Variants in FILIP1 observed in about 807,000 individuals in gnomAD.
The protein encoded by FILIP1 is filamin-A-interacting protein 1.
A neutral mutation model predicts 102.1 loss-of-function variants in FILIP1; 61 were observed. That is an observed-to-expected ratio of 0.60 (90% CI 0.49 to 0.74). FILIP1 has a LOEUF of 0.74. FILIP1 is among the 30% of genes least tolerant of loss of function. The pLI is 0.00. For synonymous variants in FILIP1, 491 were observed against 526.9 expected (o/e 0.93, Z 0.93); for missense variants, 1,314 against 1,441.2 (o/e 0.91, Z 1.43).
At chr6:75,311,254 C>T (rs1773173184) in intron 5 of FILIP1, among the ~76,000 whole-genome samples, 1 of 152,014 alleles carries the variant, frequency 6.6e-6, no homozygotes, top group Non-Finnish European at 1.5e-5. Context: ...ATGACCGTGG[C>T]TCACTGCAAC....
chr6:75,359,990 C>T (rs770568244), intron 3 of FILIP1, among the ~76,000 whole-genome samples: 1 of 152,162 alleles, frequency 6.6e-6, no homozygotes, highest in African/African-American at 2.4e-5. Flanking sequence ...CTAGACTTTA[C>T]GAAAAGACAG....
chr6:75,419,879 T>C (rs552374987), intron 1 of FILIP1, among the ~76,000 whole-genome samples: 1 of 152,326 alleles, frequency 6.6e-6, no homozygotes, highest in Admixed American at 6.5e-5. Flanking sequence ...ATAGCATATA[T>C]TGCTCAGAAA....
chr6:75,485,334 T>C (rs1189381336), intron 1 of FILIP1, among the ~76,000 whole-genome samples: 2 of 152,200 alleles, frequency 1.3e-5, no homozygotes, highest in Non-Finnish European at 2.9e-5. Flanking sequence ...ACAAGTCCTG[T>C]GCTATTAACC....
chr6:75,365,255 A>T (rs1406022658), intron 2 of FILIP1, among the ~76,000 whole-genome samples: 1 of 152,246 alleles, frequency 6.6e-6, no homozygotes, highest in South Asian at 2.1e-4. Context: ...TGTTGTTTGT[A>T]CCATAAATTG....
chr6:75,308,521 T>A lies in FILIP1; in HGVS notation c.*170A>T. On this transcript the variant is annotated 3_prime_UTR_variant, in exon 6 of 6. Coordinates refer to ENST00000237172, the MANE Select transcript of FILIP1 (RefSeq NM_015687.5). The stretch of plus-strand genomic sequence containing the variant: ...GTTTTGCTAATTTTGTTCCCCAGCA[T>A]CAAAACAAATGCACAAAATGGGAAA... 4 of 1,437,268 alleles carry A rather than the reference T, an allele frequency of 2.8e-6. No individual in the cohort carries two copies. Among genetic ancestry groups the A allele is most frequent in the Non-Finnish European group, 3.6e-6 (4 of 1,098,730 alleles). 89.0% of individuals were successfully genotyped at this position (1,437,268 alleles called of 1,614,324 possible). A position where few individuals can be genotyped will look rare whatever the true frequency, so the allele number is the denominator to read the frequency against.
rs867123958 is a variant in FILIP1, at chr6:75,436,622, T to C, written c.-6-21644A>G. 4.6e-5 allele frequency among the ~76,000 whole-genome samples: 7 copies of C among 152,242 alleles called. No homozygotes were observed. In the Middle Eastern group the frequency reaches 0.017, roughly 370 times the overall value. The stretch of plus-strand genomic sequence containing the variant: ...TTGCTCATGGAGATTATGGGACAGA[T>C]AAAGCCCTGTCCCAAAGCTATCTTT... On this transcript the variant is annotated intron_variant, in intron 1 of 5. Coordinates refer to ENST00000237172, the MANE Select transcript of FILIP1 (RefSeq NM_015687.5).
chr6:75,399,996 A>T (rs1406060321), intron 2 of FILIP1, among the ~76,000 whole-genome samples: 3 of 152,142 alleles, frequency 2.0e-5, no homozygotes, highest in African/African-American at 7.2e-5. Flanking sequence ...CAGGACATTA[A>T]GATGACGGTG....
chr6:75,442,173 G>C (rs887987364), intron 1 of FILIP1, among the ~76,000 whole-genome samples: 2 of 151,974 alleles, frequency 1.3e-5, no homozygotes, highest in South Asian at 2.1e-4. Flanking sequence ...GGGCAGAGAC[G>C]CTCCTCACTT....
In FILIP1 at chr6:75,314,988, GCTT is replaced by G; in HGVS notation, c.841_843del (p.Lys281del). On this transcript the variant is annotated inframe_deletion, in exon 5 of 6. Coordinates refer to ENST00000237172, the MANE Select transcript of FILIP1 (RefSeq NM_015687.5). ...TTGGATTTGGAAGTAATGGCTTTGAGCTTCTCTTCTTCTTCCCTCAGCTTCTGA... is the reference window on the plus strand; with the variant it reads ...TTGGATTTGGAAGTAATGGCTTTGAGCTCTTCTTCTTCCCTCAGCTTCTGA... 1 of 1,614,044 alleles carries G rather than the reference GCTT, an allele frequency of 6.2e-7. No homozygotes were observed. Among genetic ancestry groups the G allele is most frequent in the Non-Finnish European group, 8.5e-7 (1 of 1,179,990 alleles).
chr6:75,358,243 A>C (rs575632961), intron 3 of FILIP1: 9 of 152,356 alleles, frequency 5.9e-5, no homozygotes, highest in African/African-American at 2.2e-4. Context: ...TAACTGGAGA[A>C]GTATTAAGGA....
intron 1 of FILIP1, among the ~76,000 whole-genome samples, chr6:75,428,154 A>G (rs1036823083): frequency 1.3e-5 from 2 of 152,124 alleles, no homozygotes; most frequent in Non-Finnish European, 2.9e-5. Context: ...TTTCTTTGCT[A>G]AGTGCCAGCC....
intron 1 of FILIP1, among the ~76,000 whole-genome samples, chr6:75,417,531 A>G (rs1447804481): frequency 6.6e-6 from 1 of 152,228 alleles, no homozygotes; most frequent in Non-Finnish European, 1.5e-5. Context: ...CCAAGCAATA[A>G]TGGACTTGCA....
chr6:75,477,645 A>G (rs1053809372), intron 1 of FILIP1, among the ~76,000 whole-genome samples: 3 of 152,124 alleles, frequency 2.0e-5, no homozygotes, highest in Admixed American at 2.0e-4. Context: ...AAGATATAAT[A>G]AAGAATAAGC....
intron 2 of FILIP1, among the ~76,000 whole-genome samples, chr6:75,404,849 A>G (rs1463700230): frequency 6.6e-6 from 1 of 152,028 alleles, no homozygotes; most frequent in East Asian, 1.9e-4. Context: ...ACCACTTCCT[A>G]TATCCTCCAA....
At chr6:75,383,488 T>C (rs150864110) in intron 2 of FILIP1, among the ~76,000 whole-genome samples, 124 of 152,242 alleles carry the variant, frequency 8.1e-4, no homozygotes, top group African/African-American at 2.8e-3. Context: ...GACACAAAAA[T>C]GTTTGTTATA....
chr6:75,457,291 GCT>G (rs1315929783), intron 1 of FILIP1, among the ~76,000 whole-genome samples: 1 of 152,120 alleles, frequency 6.6e-6, no homozygotes, highest in African/African-American at 2.4e-5. Flanking sequence ...TGTACCTAAA[GCT>G]CTGTTTCATT....
chr6:75,457,612 G>GTCCCTCTCTCTC (rs1778882485), intron 1 of FILIP1, among the ~76,000 whole-genome samples: 1 of 142,644 alleles, frequency 7.0e-6, no homozygotes, highest in South Asian at 2.3e-4. Flanking sequence ...TTCAAACAAA[G>GTCCCTCTCTCTC]TCTCTCTCTC....
At chr6:75,384,011 A>T (rs958958217) in intron 2 of FILIP1, among the ~76,000 whole-genome samples, 3 of 152,194 alleles carry the variant, frequency 2.0e-5, no homozygotes, top group Non-Finnish European at 2.9e-5. Context: ...AGGAGAATTA[A>T]ATTTCGTTGC....
In FILIP1 at chr6:75,312,857, G is replaced by T; in HGVS notation, c.2975C>A (p.Pro992Gln). 6.2e-7 allele frequency: 1 copy of T among 1,614,150 alleles called. No homozygotes were observed. The highest frequency in any genetic ancestry group is 8.5e-7 in the Non-Finnish European group (1 of 1,180,028). ...TITTFSREKT[P>Q]ESGRGAFADR... is the part of the protein sequence containing the mutation. ...TGCAAATGCGCCTCTTCCACTTTCTGGAGTCTTCTCTCTGGAAAATGTAGT... is the reference window on the plus strand; with the variant it reads ...TGCAAATGCGCCTCTTCCACTTTCTTGAGTCTTCTCTCTGGAAAATGTAGT... The change falls in exon 5 of 6, where the codon CCA becomes CAA. Residue 992 changes from proline to glutamine, a missense_variant. Physicochemically the swap from Pro to Gln is moderately conservative, Grantham distance 76 (BLOSUM62 -1). This residue lies in a region of FILIP1 where 816 missense variants were observed against 913.1 expected (regional missense o/e 0.89). Transcript: ENST00000237172.
Sources: allele counts gnomAD v4.1 joint callset (sites outside exome capture counted in the v4.1 genomes callset), GRCh38; gene constraint gnomAD v4.1.1; regional missense constraint gnomAD v4.1.1; transcripts MANE v1.5; gene names NCBI Gene and HGNC (gene_info 2026-07-23, HGNC 2026-07-21).